Variants in CLDN11 observed in about 807,000 individuals in gnomAD.
The protein encoded by CLDN11 is claudin-11.
A neutral mutation model predicts 18.0 loss-of-function variants in CLDN11; 1 was observed. That is an observed-to-expected ratio of 0.06 (90% confidence interval 0.02 to 0.26). CLDN11 has a LOEUF of 0.26. CLDN11 is among the 10% of genes least tolerant of loss of function. The probability of loss-of-function intolerance (pLI) is 1.00; values close to 1 mark genes in which losing one functional copy is unlikely to be tolerated. For synonymous variants in CLDN11, 116 were observed against 121.5 expected (o/e 0.96, Z 0.30); for missense variants, 172 against 276.6 (o/e 0.62, Z 2.68).
chr3:170,430,225 G>A (rs991339465), intron 2 of CLDN11, among the ~76,000 whole-genome samples: 2 of 152,166 alleles, frequency 1.3e-5, no homozygotes, highest in African/African-American at 4.8e-5. Context: ...CAGAGAAAAA[G>A]GTTTTTCTCT....
chr3:170,432,567 C>G lies in CLDN11; in HGVS notation c.435C>G (p.Ala145=), dbSNP rs756826846. ...LVATIWFPVC[A]HRETTIVSFG... is the part of the protein sequence containing the mutation. ...CCACCATCTGGTTCCCTGTGTGCGC[C>G]CACCGTGAGACCACCATCGTGAGCT... The change falls in exon 3 of 3, where the codon GCC becomes GCG. Residue 145 remains alanine (A), a synonymous_variant. Coordinates refer to ENST00000064724, the MANE Select transcript of CLDN11 (RefSeq NM_005602.6). 2 of 1,613,972 alleles carry G rather than the reference C, an allele frequency of 1.2e-6. No individual in the cohort carries two copies. Among genetic ancestry groups the G allele is most frequent in the Non-Finnish European group, 1.7e-6 (2 of 1,180,042 alleles).
At chr3:170,420,446 T>C (rs1025918968) in intron 1 of CLDN11, among the ~76,000 whole-genome samples, 1 of 152,204 alleles carries the variant, frequency 6.6e-6, no homozygotes, top group Non-Finnish European at 1.5e-5. Flanking sequence ...AAGCACGCCC[T>C]ATTTCCGGTC....
At chr3:170,421,795 T>A (rs564672540) in intron 1 of CLDN11, among the ~76,000 whole-genome samples, 16 of 152,352 alleles carry the variant, frequency 1.1e-4, no homozygotes, top group African/African-American at 3.8e-4. Flanking sequence ...CTTGTCAGAT[T>A]TATTCTAAAT....
At chr3:170,422,802 TAGC>T (rs1428750569) in intron 1 of CLDN11, among the ~76,000 whole-genome samples, 1 of 152,184 alleles carries the variant, frequency 6.6e-6, no homozygotes, top group Non-Finnish European at 1.5e-5. Flanking sequence ...GAGCTATCAA[TAGC>T]AGACTGGAAC....
In CLDN11 at chr3:170,433,240, AAGTGATCC is replaced by A; in HGVS notation, c.*485_*492del. 6.8e-6 allele frequency: 1 copy of A among 146,834 alleles called. No individual in the cohort carries two copies. The highest frequency in any genetic ancestry group is 1.5e-5 in the Non-Finnish European group (1 of 68,128). 9.1% of individuals were successfully genotyped at this position (146,834 alleles called of 1,614,324 possible). On this transcript the variant is annotated 3_prime_UTR_variant, in exon 3 of 3. Transcript: ENST00000064724. ...CATGTAGCCTCAACCTCCCCGGCTC[AAGTGATCC>A]TCCTGCCTCAGCCTCCCAAGTAGCT...
At chr3:170,424,946 C>A (rs200372851) in intron 2 of CLDN11, among the ~76,000 whole-genome samples, 1 of 124,870 alleles carries the variant, frequency 8.0e-6, no homozygotes. Flanking sequence ...TGTGTGCGCG[C>A]GTGTGTGTGT....
intron 1 of CLDN11, among the ~76,000 whole-genome samples, chr3:170,422,465 G>T (rs1306105404): frequency 6.6e-6 from 1 of 152,074 alleles, no homozygotes; most frequent in Non-Finnish European, 1.5e-5. Context: ...TCTGTCACCT[G>T]GGCTGGAGTG....
Position 170,434,310 on chromosome 3 carries a change from TTTC to T in CLDN11, c.*1557_*1559del, listed in dbSNP as rs1187762637. Among the ~76,000 whole-genome samples the T allele has an allele frequency of 6.6e-6, 1 of 152,172 alleles. No individual in the cohort carries two copies. The highest frequency in any genetic ancestry group is 1.5e-5 in the Non-Finnish European group (1 of 68,030). On this transcript the variant is annotated 3_prime_UTR_variant, in exon 3 of 3. Transcript: ENST00000064724. ...AAGCATAACCTCAGTGCTCTCTAGG[TTTC>T]TTAAGTGGGGTGACTTTATGGCATC...
chr3:170,424,228 T>C (rs1413445756), intron 2 of CLDN11, among the ~76,000 whole-genome samples: 1 of 152,100 alleles, frequency 6.6e-6, no homozygotes, highest in Admixed American at 6.5e-5. Context: ...GTCTTTGCTT[T>C]GAGTGTACTT....
intron 1 of CLDN11, chr3:170,421,224 A>G (rs1738715564): frequency 2.1e-6 from 2 of 964,212 alleles, no homozygotes; most frequent in African/African-American, 3.5e-5. Flanking sequence ...GGAGGCAGGA[A>G]CAGTCCTCTG....
chr3:170,432,788 T>C lies in CLDN11; in HGVS notation c.*32T>C, dbSNP rs1274411503. The C allele has an allele frequency of 6.2e-7, 1 of 1,601,244 alleles. No individual in the cohort carries two copies. Among genetic ancestry groups the C allele is most frequent in the East Asian group, 2.2e-5 (1 of 44,802 alleles). On this transcript the variant is annotated 3_prime_UTR_variant, in exon 3 of 3. Coordinates refer to ENST00000064724, the MANE Select transcript of CLDN11 (RefSeq NM_005602.6). ...TGCCCGGCTGCCCACAGAGGTGCTG[T>C]AGATGCTGGGCCCAGGGCCCTAGGT... is the stretch of plus-strand genomic sequence containing the variant.
At position 170,434,265 on chromosome 3, in the gene CLDN11, G is replaced by T. The variant is rs1739079837; in HGVS notation, c.*1509G>T. On this transcript the variant is annotated 3_prime_UTR_variant, in exon 3 of 3. Transcript: ENST00000064724. ...GTTATATTTTATTCACGGTATTGCA[G>T]TGGTAATTTGTGGTCATGAAAGCAT... Among the ~76,000 whole-genome samples, 1 of 152,204 alleles carries T rather than the reference G, an allele frequency of 6.6e-6. No homozygotes were observed. The highest frequency in any genetic ancestry group is 1.5e-5 in the Non-Finnish European group (1 of 68,032).
intron 2 of CLDN11, among the ~76,000 whole-genome samples, chr3:170,426,804 C>T (rs542683712): frequency 2.4e-4 from 36 of 152,134 alleles, no homozygotes; most frequent in African/African-American, 7.5e-4. Context: ...TTTTTTGAGA[C>T]GGACCTTTGC....
chr3:170,429,012 G>A (rs138233378), intron 2 of CLDN11, among the ~76,000 whole-genome samples: 64 of 152,170 alleles, frequency 4.2e-4, no homozygotes, highest in Non-Finnish European at 8.2e-4. Flanking sequence ...CTTTAAGAAA[G>A]GCAATTATTT....
rs1739082456 is a variant in CLDN11, at chr3:170,434,365, T to A, written c.*1609T>A. 6.6e-6 allele frequency among the ~76,000 whole-genome samples: 1 copy of A among 152,222 alleles called. No individual in the cohort carries two copies. The highest frequency in any genetic ancestry group is 1.5e-5 in the Non-Finnish European group (1 of 68,032). Reference sequence around the variant, plus strand: ...TTAATCATCGATCAATGGGCAGCAATCAGAAACAAAGTTCTCAGCATTATG... The same window carrying A: ...TTAATCATCGATCAATGGGCAGCAAACAGAAACAAAGTTCTCAGCATTATG... On this transcript the variant is annotated 3_prime_UTR_variant, in exon 3 of 3. Transcript: ENST00000064724.
rs753528742 is a variant in CLDN11, at chr3:170,432,640, G to T, written c.508G>T (p.Val170Leu). 1 of 1,614,124 alleles carries T rather than the reference G, an allele frequency of 6.2e-7. No homozygotes were observed. Among genetic ancestry groups the T allele is most frequent in the Non-Finnish European group, 8.5e-7 (1 of 1,180,032 alleles). Residue 170 changes from valine (V) to leucine (L), a missense_variant, in exon 3 of 3, where the codon GTG becomes TTG. Around this residue, in one of 3 missense-constraint regions of CLDN11, gnomAD observed 161 missense variants for 240.3 expected, o/e 0.67. Coordinates refer to ENST00000064724, the MANE Select transcript of CLDN11 (RefSeq NM_005602.6). Reference protein sequence around the residue: ...AGWIGAVLCLVGGCVILCCAG... With the variant: ...AGWIGAVLCLLGGCVILCCAG... ...CTGGATTGGTGCTGTGCTGTGCCTCGTGGGTGGCTGTGTCATCCTCTGCTG... is the reference window on the plus strand; with the variant it reads ...CTGGATTGGTGCTGTGCTGTGCCTCTTGGGTGGCTGTGTCATCCTCTGCTG...
rs1362279828 is a variant in CLDN11, at chr3:170,419,442, T to C, written c.226+150T>C. The C allele has an allele frequency of 1.6e-6, 1 of 608,862 alleles. No individual in the cohort carries two copies. The highest frequency in any genetic ancestry group is 1.9e-5 in the African/African-American group (1 of 54,028). The allele number at this position is 608,862 out of a possible 1,614,324, so 37.7% of individuals were successfully genotyped here. A position where few individuals can be genotyped will look rare whatever the true frequency, so the allele number is the denominator to read the frequency against. On this transcript the variant is annotated intron_variant, in intron 1 of 2. Coordinates refer to ENST00000064724, the MANE Select transcript of CLDN11 (RefSeq NM_005602.6). This position sits in a 1 kb window ranked among gnomAD's most constrained non-coding sequence, Gnocchi z 8.6. Reference sequence around the variant, plus strand: ...TAGTCCCACCTTGTTGTAAAAGAATTAGGCAGCCCCGAACTTAACTTCTCT... The same window carrying C: ...TAGTCCCACCTTGTTGTAAAAGAATCAGGCAGCCCCGAACTTAACTTCTCT...
Position 170,419,326 on chromosome 3 carries a change from C to A in CLDN11, c.226+34C>A. ...CCGAGCTTGGCGGCGGCTCCCAAAT[C>A]CTTATCCTCTGGGTAGAGAGCGGGA... On this transcript the variant is annotated intron_variant, in intron 1 of 2. Coordinates refer to ENST00000064724, the MANE Select transcript of CLDN11 (RefSeq NM_005602.6). The surrounding 1 kb of genome is among the most constrained non-coding windows in gnomAD (Gnocchi z 8.6). The A allele has an allele frequency of 6.8e-7, 1 of 1,470,998 alleles. No individual in the cohort carries two copies. Among genetic ancestry groups the A allele is most frequent in the Non-Finnish European group, 9.3e-7 (1 of 1,076,984 alleles). The allele number at this position is 1,470,998 out of a possible 1,614,324, so 91.1% of individuals were successfully genotyped here.
Position 170,433,994 on chromosome 3 carries a change from A to G in CLDN11, c.*1238A>G, listed in dbSNP as rs1739074456. On this transcript the variant is annotated 3_prime_UTR_variant, in exon 3 of 3. Transcript: ENST00000064724. Reference sequence around the variant, plus strand: ...TGAATTTGGCTTTACGGGTGTAAACACTGATGGTATATCAGTATCTGAGAC... The same window carrying G: ...TGAATTTGGCTTTACGGGTGTAAACGCTGATGGTATATCAGTATCTGAGAC... The G allele has an allele frequency of 6.6e-6, 1 of 152,642 alleles. No homozygotes were observed. The highest frequency in any genetic ancestry group is 1.5e-5 in the Non-Finnish European group (1 of 68,042). 9.5% of individuals were successfully genotyped at this position (152,642 alleles called of 1,614,324 possible).
Sources: gnomAD v4.1 joint callset for allele counts (sites outside exome capture counted in the v4.1 genomes callset) on GRCh38, gnomAD v4.1.1 for gene constraint, gnomAD v4.1.1 regional missense constraint, Gnocchi (gnomAD v3.1) non-coding constraint, MANE v1.5 for transcripts, NCBI Gene and HGNC (gene_info 2026-07-23, HGNC 2026-07-21) for gene names.